Variants in LGR4 observed in about 807,000 individuals in gnomAD.
The protein encoded by LGR4 is leucine rich repeat containing G protein-coupled receptor 4, also known as leucine-rich repeat-containing G protein-coupled receptor 4.
A neutral mutation model predicts 84.8 loss-of-function variants in LGR4; 44 were observed. The ratio of observed to expected loss-of-function variants is 0.52; its 90% CI spans 0.41 to 0.67. LGR4 has a LOEUF of 0.67. Among genes scored for constraint, LGR4 ranks in the 30% least tolerant of loss-of-function variants. The pLI is 0.00. For synonymous variants in LGR4, 429 were observed against 434.3 expected, an observed-to-expected ratio of 0.99 and a Z score of 0.15; for missense variants, 1,032 against 1,131.4, an observed-to-expected ratio of 0.91 and a Z score of 1.26.
chr11:27,394,825 G>C (rs1294627689), intron 2 of LGR4, among the ~76,000 whole-genome samples: 1 of 151,972 alleles, frequency 6.6e-6, no homozygotes, highest in Non-Finnish European at 1.5e-5. Flanking sequence ...ACCGTCTACT[G>C]GTTGTTTCTT....
chr11:27,464,486 C>T (rs972003412), intron 1 of LGR4, among the ~76,000 whole-genome samples: 5 of 152,148 alleles, frequency 3.3e-5, no homozygotes, highest in Non-Finnish European at 7.4e-5. Flanking sequence ...AAATTCATCT[C>T]CCCTCACATG....
chr11:27,405,785 A>G (rs1590367627), intron 2 of LGR4, among the ~76,000 whole-genome samples: 1 of 152,022 alleles, frequency 6.6e-6, no homozygotes. Context: ...CCTGCCTCCC[A>G]TCTGCCCTAA....
intron 1 of LGR4, among the ~76,000 whole-genome samples, chr11:27,445,729 T>A (rs979452288): frequency 4.6e-5 from 7 of 151,988 alleles, no homozygotes; most frequent in Non-Finnish European, 7.4e-5. Context: ...AATTTAAAAA[T>A]TTTTCAAGCC....
At chr11:27,382,154 T>C (rs780665855) in intron 7 of LGR4, 34 bp downstream of exon 7, 1 of 1,378,062 alleles carries the variant, frequency 7.3e-7, no homozygotes, top group Non-Finnish European at 1.0e-6. Context: ...GTTTCAGGGA[T>C]ATGAAGACAT....
chr11:27,380,958 T>A lies in LGR4; in HGVS notation c.767A>T (p.His256Leu), dbSNP rs1332011712. Residue 256 changes from histidine to leucine, a missense_variant, in exon 8 of 18, where the codon CAT becomes CTT. By Grantham distance (99) the His-to-Leu change is moderately conservative. Transcript: ENST00000379214. ...AGGGATAACAGAAATAGAATTACTA[T>A]GAAATCCTCTAGAAAGATAGGAGAA... ...ALPSLKELGFHSNSISVIPDG... is the reference protein window; with the variant it reads ...ALPSLKELGFLSNSISVIPDG... The A allele has an allele frequency of 6.6e-7, 1 of 1,523,522 alleles. No homozygotes were observed. Among genetic ancestry groups the A allele is most frequent in the Non-Finnish European group, 9.1e-7 (1 of 1,098,186 alleles). 94.4% of individuals were successfully genotyped at this position (1,523,522 alleles called of 1,614,324 possible). A position where few individuals can be genotyped will look rare whatever the true frequency, so the allele number is the denominator to read the frequency against.
chr11:27,434,671 T>C (rs1461611727), intron 1 of LGR4, among the ~76,000 whole-genome samples: 4 of 152,204 alleles, frequency 2.6e-5, no homozygotes, highest in African/African-American at 9.6e-5. Context: ...CTTCCTACCA[T>C]GAATGTGACT....
At chr11:27,459,675 C>A (rs1864645925) in intron 1 of LGR4, among the ~76,000 whole-genome samples, 1 of 151,342 alleles carries the variant, frequency 6.6e-6, no homozygotes, top group Non-Finnish European at 1.5e-5. Context: ...CGGGGTTTCA[C>A]CATCTTGGCC....
In LGR4 at chr11:27,380,296, T is replaced by C. The variant is rs754184739; in HGVS notation, c.946A>G (p.Thr316Ala). Residue 316 changes from threonine (T) to alanine (A), a missense_variant, in exon 10 of 18, where the codon ACA becomes GCA. Transcript: ENST00000379214. ...ASMVQQFPNL[T>A]GTVHLESLTL... The stretch of plus-strand genomic sequence containing the variant: ...AGACTTTCCAGGTGGACAGTTCCTG[T>C]AAGATTGGGGAACTGCTGCACCATG... 3.1e-6 allele frequency: 5 copies of C among 1,611,136 alleles called. No individual in the cohort carries two copies. The South Asian group carries it at 3.3e-5, about 11-fold the overall frequency.
At chr11:27,456,179 T>C (rs565764652) in intron 1 of LGR4, among the ~76,000 whole-genome samples, 2 of 152,302 alleles carry the variant, frequency 1.3e-5, no homozygotes, top group Non-Finnish European at 1.5e-5. Flanking sequence ...CACCAGTACA[T>C]TCAAAATTAA....
In LGR4 at chr11:27,368,857, C is replaced by T; in HGVS notation, c.1866G>A (p.Gly622=). The change falls in exon 18 of 18, where the codon GGG becomes GGA. Residue 622 remains glycine, a synonymous_variant. Coordinates refer to ENST00000379214, the MANE Select transcript of LGR4 (RefSeq NM_018490.5). ...TTTCTGAGGAGAAAACTGCAAGAAA[C>T]CCAGCTACTTTGCAGCCACTGCCAG... ...WETGSGCKVA[G]FLAVFSSESA... 1.2e-6 allele frequency: 2 copies of T among 1,614,058 alleles called. No individual in the cohort carries two copies. Among genetic ancestry groups the T allele is most frequent in the Non-Finnish European group, 1.7e-6 (2 of 1,180,004 alleles).
chr11:27,463,067 CAAAA>C (rs35718980), intron 1 of LGR4, among the ~76,000 whole-genome samples: 2 of 51,036 alleles, frequency 3.9e-5, no homozygotes, highest in East Asian at 7.5e-4. Context: ...ACCCTGTCTC[CAAAA>C]AAAAAAAAAA....
intron 1 of LGR4, among the ~76,000 whole-genome samples, chr11:27,417,419 G>A (rs1196166121): frequency 6.6e-6 from 1 of 152,018 alleles, no homozygotes; most frequent in Non-Finnish European, 1.5e-5. Context: ...TCCAGTTAAC[G>A]GATGTCTACA....
intron 2 of LGR4, among the ~76,000 whole-genome samples, chr11:27,399,726 C>T (rs1863462461): frequency 6.6e-6 from 1 of 151,844 alleles, no homozygotes; most frequent in Non-Finnish European, 1.5e-5. Flanking sequence ...ACCACGTTGG[C>T]CAGGCTGCTC....
chr11:27,472,041 C>T, intron 1 of LGR4, 77 bp downstream of exon 1: 1 of 1,123,062 alleles, frequency 8.9e-7, no homozygotes, highest in Non-Finnish European at 1.1e-6. Context: ...GGGACTGACC[C>T]CTGGCTCCGC....
At chr11:27,467,456 C>T (rs11030017) in intron 1 of LGR4, among the ~76,000 whole-genome samples, 128,324 of 151,492 alleles carry the variant, frequency 0.85, 55,077 homozygotes, top group Non-Finnish European at 0.94. Flanking sequence ...TAATCCCAGC[C>T]ACTCGGGAGG....
chr11:27,435,581 G>A (rs151035013), intron 1 of LGR4, among the ~76,000 whole-genome samples: 10,996 of 150,896 alleles, frequency 0.073, 603 homozygotes, highest in Non-Finnish European at 0.1. Flanking sequence ...TCCGCCTCCT[G>A]GGTTCAAGCT....
chr11:27,388,202 GT>G (rs1340445096), intron 4 of LGR4, among the ~76,000 whole-genome samples: 1 of 152,114 alleles, frequency 6.6e-6, no homozygotes, highest in African/African-American at 2.4e-5. Flanking sequence ...GACTCAAATG[GT>G]TAATCCTTAT....
intron 15 of LGR4, chr11:27,373,105 C>A (rs2472633): frequency 0.31 from 46,801 of 152,408 alleles, 7,316 homozygotes; most frequent in South Asian, 0.43. Flanking sequence ...AGTGATCAGC[C>A]CACCTTGGCC....
intron 6 of LGR4, among the ~76,000 whole-genome samples, chr11:27,382,544 A>G (rs2133370887): frequency 6.6e-6 from 1 of 152,364 alleles, no homozygotes; most frequent in East Asian, 1.9e-4. Context: ...TTAAATACAT[A>G]AATCATCTGA....
Sources: allele counts gnomAD v4.1 joint callset (sites outside exome capture counted in the v4.1 genomes callset), GRCh38; gene constraint gnomAD v4.1.1; transcripts MANE v1.5; gene names NCBI Gene and HGNC (gene_info 2026-07-23, HGNC 2026-07-21).